The following FGF14 variants were observed in gnomAD, a reference collection of about 807,000 sequenced individuals.
FGF14 encodes the protein fibroblast growth factor 14, also known as fibroblast growth factor homologous factor 4.
FGF14 carries 5 observed loss-of-function variants against 25.5 expected under a neutral mutation model. That is an observed-to-expected ratio of 0.20 (90% confidence interval 0.10 to 0.41). The LOEUF (loss-of-function observed/expected upper bound fraction) is 0.41, where lower values mean the gene tolerates loss of function less well. Among genes scored for constraint, FGF14 ranks in the 10% least tolerant of loss-of-function variants. FGF14 has a pLI of 1.00. For missense variants in FGF14, 222 were observed against 320.1 expected (o/e 0.69, Z 2.34); for synonymous variants, 138 against 118.3 (o/e 1.17, Z -1.08).
At chr13:102,101,209 T>G (rs953208587) in intron 1 of FGF14, among the ~76,000 whole-genome samples, 3 of 152,192 alleles carry the variant, frequency 2.0e-5, no homozygotes, top group African/African-American at 7.2e-5. Flanking sequence ...GACCCTTTAC[T>G]TATCTCCTCA....
intron 1 of FGF14, among the ~76,000 whole-genome samples, chr13:102,042,417 G>T (rs1157406873): frequency 2.6e-5 from 4 of 152,154 alleles, no homozygotes; most frequent in African/African-American, 9.7e-5. Context: ...CAGTGACCTT[G>T]TCTATTCTTG....
At chr13:101,780,855 A>G (rs1275973643) in intron 3 of FGF14, among the ~76,000 whole-genome samples, 9 of 152,086 alleles carry the variant, frequency 5.9e-5, no homozygotes, top group African/African-American at 2.2e-4. Flanking sequence ...CATTAACTGA[A>G]TTTAGGAACT....
At chr13:102,348,111 T>G (rs1387103289) in intron 1 of FGF14, among the ~76,000 whole-genome samples, 2 of 152,090 alleles carry the variant, frequency 1.3e-5, no homozygotes, top group African/African-American at 4.8e-5. Flanking sequence ...AATTATTCAT[T>G]TATGCAAAAT....
chr13:102,381,524 G>T (rs1204974954), intron 1 of FGF14, among the ~76,000 whole-genome samples: 1 of 152,272 alleles, frequency 6.6e-6, no homozygotes, highest in South Asian at 2.1e-4. Flanking sequence ...GAATTTGCTG[G>T]TGCATTGATC....
intron 3 of FGF14, among the ~76,000 whole-genome samples, chr13:101,816,436 A>G (rs1300526049): frequency 6.6e-6 from 1 of 152,166 alleles, no homozygotes; most frequent in Non-Finnish European, 1.5e-5. Flanking sequence ...GAAATTATAC[A>G]ATTGGCTAAC....
At chr13:101,927,216 G>A (rs776123340) in intron 1 of FGF14, among the ~76,000 whole-genome samples, 5 of 152,214 alleles carry the variant, frequency 3.3e-5, no homozygotes, top group East Asian at 1.9e-4. Flanking sequence ...CAGGAATAGC[G>A]GCCATTGCAC....
upstream of FGF14, among the ~76,000 whole-genome samples, chr13:101,921,373 C>T (rs766427881): frequency 1.4e-4 from 21 of 152,152 alleles, no homozygotes; most frequent in Non-Finnish European, 2.1e-4. Context: ...CTTAAAATGG[C>T]CATGAACGAA....
chr13:101,969,427 T>C (rs776783975), intron 1 of FGF14, among the ~76,000 whole-genome samples: 4 of 152,164 alleles, frequency 2.6e-5, no homozygotes, highest in Admixed American at 6.5e-5. Context: ...AGAAATGGTA[T>C]AGTCTAGTGT....
At chr13:102,312,051 A>G (rs2055795888) in intron 1 of FGF14, among the ~76,000 whole-genome samples, 1 of 152,176 alleles carries the variant, frequency 6.6e-6, no homozygotes, top group South Asian at 2.1e-4. Context: ...TGGGCCGCTA[A>G]GAACTGCTTG....
intron 3 of FGF14, among the ~76,000 whole-genome samples, chr13:101,769,040 G>A (rs2094529): frequency 0.41 from 62,333 of 151,824 alleles, 14,386 homozygotes; most frequent in Non-Finnish European, 0.52. Context: ...CCACAGACTG[G>A]GAGGAAGGTT....
At chr13:102,347,157 T>A (rs1322303664) in intron 1 of FGF14, among the ~76,000 whole-genome samples, 2 of 152,002 alleles carry the variant, frequency 1.3e-5, no homozygotes, top group Non-Finnish European at 2.9e-5. Flanking sequence ...GGTTCGTTAG[T>A]GTTATTCCAG....
chr13:101,731,092 G>A (rs936628165), intron 3 of FGF14, among the ~76,000 whole-genome samples: 4 of 152,152 alleles, frequency 2.6e-5, no homozygotes, highest in Non-Finnish European at 5.9e-5. Flanking sequence ...TGAGCCTTCA[G>A]TATGAGACCT....
intron 1 of FGF14, among the ~76,000 whole-genome samples, chr13:102,335,548 G>A (rs911152375): frequency 6.6e-6 from 1 of 151,852 alleles, no homozygotes; most frequent in Non-Finnish European, 1.5e-5. Context: ...AGAAAAGCCC[G>A]AATGCCTATG....
At position 101,901,600 on chromosome 13, in the gene FGF14, A is replaced by T. The variant is rs374095628; in HGVS notation, c.193+14853T>A. ...GCACCTGTAACCCCAGCTGCACAGG[A>T]GGCTGAGGTGGGAGAATTACTTGAA... On this transcript the variant is annotated intron_variant, in intron 1 of 4. Transcript: ENST00000376143. Among the ~76,000 whole-genome samples, 4 of 152,224 alleles carry T rather than the reference A, an allele frequency of 2.6e-5. No individual in the cohort carries two copies. In the East Asian group the frequency reaches 5.8e-4, roughly 22 times the overall value.
chr13:102,115,888 GAT>G (rs199916335), intron 1 of FGF14, among the ~76,000 whole-genome samples: 10,816 of 152,194 alleles, frequency 0.071, 435 homozygotes, highest in Non-Finnish European at 0.096. Context: ...AAGGCAGGTG[GAT>G]CACCTGAGGC....
At chr13:101,777,539 C>A (rs1341399193) in intron 3 of FGF14, among the ~76,000 whole-genome samples, 8 of 152,172 alleles carry the variant, frequency 5.3e-5, no homozygotes. Context: ...GTGTCTCTAA[C>A]TGCAAATGAG....
At chr13:102,137,829 G>A (rs1469212728) in intron 1 of FGF14, among the ~76,000 whole-genome samples, 1 of 151,470 alleles carries the variant, frequency 6.6e-6, no homozygotes, top group Non-Finnish European at 1.5e-5. Context: ...TGTCTGAAAA[G>A]AATGATGGTC....
intron 3 of FGF14, among the ~76,000 whole-genome samples, chr13:101,857,054 A>G (rs148924584): frequency 1.4e-3 from 206 of 152,140 alleles, no homozygotes; most frequent in Non-Finnish European, 2.6e-3. Context: ...CATGAAGGGC[A>G]CACACAGTTA....
chr13:102,364,800 A>G (rs2057662620), intron 1 of FGF14, among the ~76,000 whole-genome samples: 1 of 152,276 alleles, frequency 6.6e-6, no homozygotes. Flanking sequence ...TCTGCAGTTG[A>G]GCATCAGCAC....
Sources: allele counts gnomAD v4.1 joint callset (sites outside exome capture counted in the v4.1 genomes callset), GRCh38; gene constraint gnomAD v4.1.1; transcripts MANE v1.5; gene names NCBI Gene and HGNC (gene_info 2026-07-23, HGNC 2026-07-21).